Variants in REEP4 observed in about 807,000 individuals in gnomAD.
REEP4 encodes receptor expression-enhancing protein 4.
REEP4 carries 17 observed loss-of-function variants against 33.5 expected under a neutral mutation model. That is an observed-to-expected ratio of 0.51 (90% CI 0.35 to 0.76). REEP4 has a LOEUF of 0.76. REEP4 is among the 30% of genes least tolerant of loss of function. The pLI is 0.01. For synonymous variants in REEP4, 157 were observed against 142.9 expected (o/e 1.10, Z -0.70); for missense variants, 340 against 357.9 (o/e 0.95, Z 0.40).
At chr8:22,139,618 A>ACCCAG (rs147139227) in intron 4 of REEP4, 89 bp from the exon 5 acceptor site, 21,571 of 1,126,116 alleles carry the variant, frequency 0.019, 488 homozygotes, top group African/African-American at 0.074. Flanking sequence ...TTGTGGCGCC[A>ACCCAG]CCCAGCCCAG....
At chr8:22,139,603 A>C (rs1827193991) in intron 4 of REEP4, 74 bp from the exon 5 acceptor site, 2 of 1,290,836 alleles carry the variant, frequency 1.5e-6, no homozygotes, top group Non-Finnish European at 2.2e-6. Flanking sequence ...CTGAGAAGCC[A>C]CTGGTTGTGG....
At position 22,139,499 on chromosome 8, in the gene REEP4, C is replaced by T. The variant is rs1236579732; in HGVS notation, c.334G>A (p.Glu112Lys). 1 of 1,610,756 alleles carries T rather than the reference C, an allele frequency of 6.2e-7. No homozygotes were observed. Among genetic ancestry groups the T allele is most frequent in the South Asian group, 1.1e-5 (1 of 91,070 alleles). Residue 112 changes from glutamate to lysine, a missense_variant, in exon 5 of 8, where the codon GAG becomes AAG. By Grantham distance (56) the Glu-to-Lys change is moderately conservative. Transcript: ENST00000306306. ...EIDAYIVQAK[E>K]RSYETVLSFG... ...CTGAGCACGGTCTCGTAGCTGCGCT[C>T]CTTGGCCTGCACGATGTACGCGTCG...
At chr8:22,140,823 C>T (rs1827217863) in intron 1 of REEP4, 126 bp from the exon 2 acceptor site, 26 of 778,480 alleles carry the variant, frequency 3.3e-5, no homozygotes, top group Admixed American at 3.0e-4. Flanking sequence ...TTGGCTTGTA[C>T]AACCCGTGCC....
chr8:22,140,155 G>T lies in REEP4; in HGVS notation c.182+17C>A. On this transcript the variant is annotated intron_variant, in intron 3 of 7. Transcript: ENST00000306306. ...GGGCCACCCCTGACCCATGGCTTGC[G>T]GACCCTGCGTCCATACCAGGAGATA... The T allele has an allele frequency of 6.2e-7, 1 of 1,613,786 alleles. No individual in the cohort carries two copies. Among genetic ancestry groups the T allele is most frequent in the Non-Finnish European group, 8.5e-7 (1 of 1,179,954 alleles).
rs774697599 is a variant in REEP4, at chr8:22,138,416, C to T, written c.*71G>A. 1.9e-6 allele frequency: 3 copies of T among 1,569,152 alleles called. No individual in the cohort carries two copies. Among genetic ancestry groups the T allele is most frequent in the East Asian group, 4.5e-5 (2 of 44,622 alleles). ...TGGTGCAGGCAGGCCAGATGTGCAG[C>T]CCAAGGTCCCTCCAAATAGCCCTGG... On this transcript the variant is annotated 3_prime_UTR_variant, in exon 8 of 8. Transcript: ENST00000306306.
At chr8:22,139,911 C>G in intron 4 of REEP4, 52 bp downstream of exon 4, 1 of 1,550,522 alleles carries the variant, frequency 6.4e-7, no homozygotes, top group Non-Finnish European at 8.7e-7. Flanking sequence ...GTCCAGGGCT[C>G]TTTCCCTCAT....
At chr8:22,139,804 C>A in intron 4 of REEP4, 159 bp downstream of exon 4, 1 of 922,924 alleles carries the variant, frequency 1.1e-6, no homozygotes. Context: ...CTGATTATCC[C>A]AGAAGATGAG....
Position 22,138,690 on chromosome 8 carries a change from T to C in REEP4, c.657A>G (p.Leu219=). The part of the protein sequence containing the change: ...RAPARPREKP[L]IRSQSLRVVK... ...CCACACGCAGGCTCTGGCTGCGGAT[T>C]AGGGGCTTCTCTCGGGGCCGGGCTG... The change falls in exon 7 of 8, where the codon CTA becomes CTG. Residue 219 remains leucine (L), a synonymous_variant. Transcript: ENST00000306306. The C allele has an allele frequency of 6.2e-7, 1 of 1,613,640 alleles. No individual in the cohort carries two copies. Among genetic ancestry groups the C allele is most frequent in the East Asian group, 2.2e-5 (1 of 44,866 alleles).
Position 22,138,515 on chromosome 8 carries a change from T to C in REEP4, c.746A>G (p.Lys249Arg). ...SRSLKVRTRK[K>R]TVPSDVDS ...GCTGTCCACGTCTGAGGGCACAGTC[T>C]TTTTCCTCGTCCGAACCTTCAGGGA... is the stretch of plus-strand genomic sequence containing the variant. Residue 249 changes from lysine (K) to arginine (R), a missense_variant, in exon 8 of 8, where the codon AAG becomes AGG. By Grantham distance (26) the Lys-to-Arg change is conservative (BLOSUM62 2). Transcript: ENST00000306306. 1 of 1,612,804 alleles carries C rather than the reference T, an allele frequency of 6.2e-7. No individual in the cohort carries two copies.
At chr8:22,139,256 G>T in intron 5 of REEP4, 160 bp downstream of exon 5, 1 of 945,892 alleles carries the variant, frequency 1.1e-6, no homozygotes, top group Non-Finnish European at 1.6e-6. Flanking sequence ...AGGAAGGAAG[G>T]TCTGACTCCA....
Position 22,141,448 on chromosome 8 carries a change from C to T in REEP4, c.32+3G>A. The T allele has an allele frequency of 2.5e-6, 4 of 1,602,626 alleles. No homozygotes were observed. The highest frequency in any genetic ancestry group is 4.6e-5 in the East Asian group (2 of 43,664). On this transcript the variant is annotated splice_donor_region_variant and intron_variant, in intron 1 of 7. Coordinates refer to ENST00000306306, the MANE Select transcript of REEP4 (RefSeq NM_025232.4). ...GAGGAGGTCTGAGGGCGGCCATACT[C>T]ACACCACCAGGCGACAGATCATCCA...
chr8:22,138,377 G>A lies in REEP4; in HGVS notation c.*110C>T, dbSNP rs778325428. On this transcript the variant is annotated 3_prime_UTR_variant, in exon 8 of 8. Coordinates refer to ENST00000306306, the MANE Select transcript of REEP4 (RefSeq NM_025232.4). ...AACCATCAGCAGGAGTCAGGAGGGT[G>A]GGGCCCAGGCAGCTGGTGCAGGCAG... The A allele has an allele frequency of 3.1e-6, 4 of 1,295,270 alleles. No individual in the cohort carries two copies. The highest frequency in any genetic ancestry group is 3.6e-4 in the Middle Eastern group (2 of 5,530). The allele number at this position is 1,295,270 out of a possible 1,614,324, so 80.2% of individuals were successfully genotyped here.
intron 1 of REEP4, 44 bp from the exon 2 acceptor site, chr8:22,140,741 C>G (rs1827216896): frequency 6.5e-7 from 1 of 1,544,434 alleles, no homozygotes; most frequent in South Asian, 1.2e-5. Context: ...CCATGCCCCA[C>G]TCCCACCTTG....
Position 22,138,169 on chromosome 8 carries a change from C to T in REEP4, c.*318G>A, listed in dbSNP as rs144696422. On this transcript the variant is annotated 3_prime_UTR_variant, in exon 8 of 8. Coordinates refer to ENST00000306306, the MANE Select transcript of REEP4 (RefSeq NM_025232.4). ...GAAGGAATGAACACACCCAGGTGGA[C>T]GTTTGGTTTCATTTGCAGGGGTTCA... 699 of 601,276 alleles carry T rather than the reference C, an allele frequency of 1.2e-3. 1 individual carries two copies. Among genetic ancestry groups the T allele is most frequent in the Non-Finnish European group, 1.7e-3 (581 of 336,788 alleles). 37.2% of individuals were successfully genotyped at this position (601,276 alleles called of 1,614,324 possible).
intron 2 of REEP4, 54 bp from the exon 3 acceptor site, chr8:22,140,302 C>A: frequency 6.5e-7 from 1 of 1,549,960 alleles, no homozygotes; most frequent in Non-Finnish European, 8.9e-7. Flanking sequence ...CAACTCCCAA[C>A]CCAGGCCAGC....
At chr8:22,141,380 G>A (rs372973619) in intron 1 of REEP4, 71 bp downstream of exon 1, 165 of 1,552,270 alleles carry the variant, frequency 1.1e-4, no homozygotes, top group Non-Finnish European at 1.4e-4. Flanking sequence ...CCCACTAGAC[G>A]TCCACAGCTT....
chr8:22,138,287 C>A lies in REEP4; in HGVS notation c.*200G>T. 1 of 717,358 alleles carries A rather than the reference C, an allele frequency of 1.4e-6. No homozygotes were observed. Among genetic ancestry groups the A allele is most frequent in the South Asian group, 1.5e-5 (1 of 67,564 alleles). The allele number at this position is 717,358 out of a possible 1,614,324, so 44.4% of individuals were successfully genotyped here. A position where few individuals can be genotyped will look rare whatever the true frequency, so the allele number is the denominator to read the frequency against. ...GCAATAAATAGAACCCTGGGCCCAG[C>A]CTGCTTTGGTACATTGTGGGTGCAT... is the stretch of plus-strand genomic sequence containing the variant. On this transcript the variant is annotated 3_prime_UTR_variant, in exon 8 of 8. Transcript: ENST00000306306.
In REEP4 at chr8:22,139,014, G is replaced by T; in HGVS notation, c.465C>A (p.Asp155Glu). ...CAGGTGCGTCAGAGATGGAGCGCAG[G>T]TCCTGCATGGAGAAGCTCCGCAGCC... ...AGRLRSFSMQ[D>E]LRSISDAPAP... is the part of the protein sequence containing the mutation. The change falls in exon 6 of 8, where the codon GAC becomes GAA. Residue 155 changes from aspartate (D) to glutamate (E), a missense_variant. Transcript: ENST00000306306. 2 of 1,603,620 alleles carry T rather than the reference G, an allele frequency of 1.2e-6. No individual in the cohort carries two copies. The highest frequency in any genetic ancestry group is 1.7e-6 in the Non-Finnish European group (2 of 1,175,532).
Position 22,138,721 on chromosome 8 carries a change from C to T in REEP4, c.626G>A (p.Arg209Gln), listed in dbSNP as rs1340160510. 1.5e-5 allele frequency: 24 copies of T among 1,612,818 alleles called. No homozygotes were observed. Among genetic ancestry groups the T allele is most frequent in the African/African-American group, 4.0e-5 (3 of 74,848 alleles). The stretch of plus-strand genomic sequence containing the variant: ...CTTCTCTCGGGGCCGGGCTGGCGCC[C>T]GGGGGACTGCCTCAGTATCTGACCA... ...ECWSDTEAVP[R>Q]APARPREKPL... Residue 209 changes from arginine (R) to glutamine (Q), a missense_variant, in exon 7 of 8, where the codon CGG becomes CAG. Coordinates refer to ENST00000306306, the MANE Select transcript of REEP4 (RefSeq NM_025232.4).
Sources: allele counts gnomAD v4.1 joint callset, GRCh38; gene constraint gnomAD v4.1.1; transcripts MANE v1.5; gene names NCBI Gene and HGNC (gene_info 2026-07-23, HGNC 2026-07-21).